The following ANO4 variants were observed in gnomAD, a reference collection of about 807,000 sequenced individuals.
ANO4 encodes the protein anoctamin-4.
Under a neutral mutation model 141.9 loss-of-function variants are expected in ANO4, and 69 were observed. The observed-to-expected ratio is 0.49, with a 90% CI of 0.40 to 0.59. The LOEUF (loss-of-function observed/expected upper bound fraction) is 0.59. Ranked by LOEUF, ANO4 falls within the 20% of genes least tolerant of loss-of-function variation. The pLI, the probability that ANO4 is intolerant of heterozygous loss-of-function variation, is 0.00. For synonymous variants in ANO4, 350 were observed against 394.3 expected (o/e 0.89, Z 1.33); for missense variants, 894 against 1,162.2 (o/e 0.77, Z 3.36).
At chr12:101,049,696 A>C (rs1286462021) in intron 14 of ANO4, among the ~76,000 whole-genome samples, 1 of 152,176 alleles carries the variant, frequency 6.6e-6, no homozygotes, top group Middle Eastern at 3.2e-3. Context: ...GGAAACATAA[A>C]ACCTTGTTCA....
intron 2 of ANO4, among the ~76,000 whole-genome samples, chr12:100,738,597 G>A (rs969134331): frequency 6.6e-6 from 1 of 151,900 alleles, no homozygotes; most frequent in African/African-American, 2.4e-5. Flanking sequence ...AGAGTCCAGA[G>A]TTCCTTAGAG....
chr12:100,741,605 A>G (rs2031868840), intron 3 of ANO4, among the ~76,000 whole-genome samples: 1 of 152,158 alleles, frequency 6.6e-6, no homozygotes, highest in Admixed American at 6.6e-5. Flanking sequence ...GGGATTGGTA[A>G]TGAAGAGCAC....
intron 1 of ANO4, among the ~76,000 whole-genome samples, chr12:100,798,126 A>G (rs1343556229): frequency 6.6e-6 from 1 of 152,228 alleles, no homozygotes; most frequent in Non-Finnish European, 1.5e-5. Flanking sequence ...TGATATGTTT[A>G]CTGTCTAAAA....
intron 2 of ANO4, among the ~76,000 whole-genome samples, chr12:100,736,137 G>C (rs962433037): frequency 1.1e-4 from 16 of 152,176 alleles, no homozygotes; most frequent in Non-Finnish European, 2.1e-4. Flanking sequence ...AGCCACGTGA[G>C]TGGGTGGCGG....
At chr12:100,852,142 A>G (rs1361527688) in intron 1 of ANO4, among the ~76,000 whole-genome samples, 1 of 152,232 alleles carries the variant, frequency 6.6e-6, no homozygotes, top group Non-Finnish European at 1.5e-5. Flanking sequence ...ATAGATATCT[A>G]AAAGAAAATG....
chr12:100,811,869 A>G (rs761600138), intron 1 of ANO4, among the ~76,000 whole-genome samples: 1 of 152,158 alleles, frequency 6.6e-6, no homozygotes, highest in Non-Finnish European at 1.5e-5. Context: ...CCCCTAAACC[A>G]TGGTAGTCGA....
intron 1 of ANO4, among the ~76,000 whole-genome samples, chr12:100,854,229 C>T (rs113344878): frequency 6.6e-6 from 1 of 152,034 alleles, no homozygotes; most frequent in Admixed American, 6.6e-5. Flanking sequence ...ATTTTTTCAT[C>T]GCTTTCTGTC....
intron 23 of ANO4, among the ~76,000 whole-genome samples, chr12:101,110,784 T>G (rs2050632894): frequency 6.6e-6 from 1 of 152,106 alleles, no homozygotes; most frequent in Admixed American, 6.5e-5. Context: ...TTAAATAGAG[T>G]CTCAATTTGA....
intron 7 of ANO4, 66 bp from the exon 8 acceptor site, chr12:100,987,473 T>A: frequency 6.3e-7 from 1 of 1,579,368 alleles, no homozygotes; most frequent in South Asian, 1.2e-5. Context: ...GCGGAGACCT[T>A]CCTCCTGTGT....
At chr12:100,779,901 C>T (rs79103160) in intron 3 of ANO4, among the ~76,000 whole-genome samples, 7,240 of 152,192 alleles carry the variant, frequency 0.048, 491 homozygotes, top group African/African-American at 0.15. Context: ...ATAGGGCTTT[C>T]ATGCTCCAAA....
chr12:100,926,209 G>A (rs764594783), intron 3 of ANO4, among the ~76,000 whole-genome samples: 1 of 152,044 alleles, frequency 6.6e-6, no homozygotes, highest in Non-Finnish European at 1.5e-5. Context: ...ACATCTTGAT[G>A]CAAGAATTTT....
intron 3 of ANO4, among the ~76,000 whole-genome samples, chr12:100,789,514 G>A (rs1289193240): frequency 2.6e-5 from 4 of 152,182 alleles, no homozygotes; most frequent in African/African-American, 9.7e-5. Context: ...TTTATAGTTT[G>A]TAAAGTTCTT....
At chr12:100,984,406 A>G (rs1014711452) in intron 7 of ANO4, among the ~76,000 whole-genome samples, 3 of 152,154 alleles carry the variant, frequency 2.0e-5, no homozygotes, top group African/African-American at 4.8e-5. Context: ...TGTTTCTTCC[A>G]CCACAGTTTT....
At chr12:100,772,742 T>C (rs550924018) in intron 3 of ANO4, among the ~76,000 whole-genome samples, 2 of 152,348 alleles carry the variant, frequency 1.3e-5, no homozygotes, top group Admixed American at 6.5e-5. Flanking sequence ...TCATTCTTCC[T>C]GGTCAGAAGA....
At chr12:101,045,607 T>A (rs537509082) in intron 13 of ANO4, among the ~76,000 whole-genome samples, 8 of 152,206 alleles carry the variant, frequency 5.3e-5, no homozygotes, top group Admixed American at 6.5e-5. Context: ...ATAGGGATGC[T>A]GTATCCTTGA....
At chr12:100,741,042 T>A (rs2031842021) in intron 3 of ANO4, among the ~76,000 whole-genome samples, 1 of 152,248 alleles carries the variant, frequency 6.6e-6, no homozygotes, top group South Asian at 2.1e-4. Flanking sequence ...TACAACATCC[T>A]GCCTTAAAAT....
intron 5 of ANO4, among the ~76,000 whole-genome samples, chr12:100,949,744 G>A (rs1051720730): frequency 6.6e-6 from 1 of 152,074 alleles, no homozygotes; most frequent in Non-Finnish European, 1.5e-5. Context: ...GGAAGAACTC[G>A]GAATACATTT....
At chr12:100,943,288 G>A (rs1014746745) in intron 5 of ANO4, among the ~76,000 whole-genome samples, 1 of 152,164 alleles carries the variant, frequency 6.6e-6, no homozygotes, top group Non-Finnish European at 1.5e-5. Context: ...AGCTTCTGGA[G>A]CTTTTCATAG....
intron 14 of ANO4, among the ~76,000 whole-genome samples, chr12:101,049,680 A>G (rs1298692658): frequency 1.3e-5 from 2 of 152,178 alleles, no homozygotes; most frequent in African/African-American, 4.8e-5. Context: ...GTCTTTTTTG[A>G]TAAGTGGAAA....
Sources: gnomAD v4.1 joint callset for allele counts (sites outside exome capture counted in the v4.1 genomes callset) on GRCh38, gnomAD v4.1.1 for gene constraint, MANE v1.5 for transcripts, NCBI Gene and HGNC (gene_info 2026-07-23, HGNC 2026-07-21) for gene names.